The following NEDD4 variants were observed in gnomAD, a reference collection of about 807,000 sequenced individuals.
NEDD4 encodes the protein NEDD4 E3 ubiquitin protein ligase.
A neutral mutation model predicts 144.9 loss-of-function variants in NEDD4; 99 were observed. The ratio of observed to expected loss-of-function variants is 0.68; its 90% CI spans 0.58 to 0.81. The LOEUF (loss-of-function observed/expected upper bound fraction) is 0.81. Ranked by LOEUF, NEDD4 falls within the 30% of genes least tolerant of loss-of-function variation. The pLI is 0.00. For synonymous variants in NEDD4, 318 were observed against 350.6 expected, an observed-to-expected ratio of 0.91 and a Z score of 1.04; for missense variants, 985 against 1,065.9, an observed-to-expected ratio of 0.92 and a Z score of 1.06.
chr15:55,946,706 C>T (rs1403522669), intron 4 of NEDD4, among the ~76,000 whole-genome samples: 5 of 152,048 alleles, frequency 3.3e-5, no homozygotes, highest in Admixed American at 3.3e-4. Flanking sequence ...GAATATACAT[C>T]CTTCTCAGCA....
rs150543024 is a variant in NEDD4 at position 55,872,493 on chromosome 15, G to T, written c.343-17C>A. ...ATTTTCTGTCTAGAATAAAATAGTGGGTTTTCAAAATATATCTATAACACC... is the reference window on the plus strand; with the variant it reads ...ATTTTCTGTCTAGAATAAAATAGTGTGTTTTCAAAATATATCTATAACACC... On this transcript the variant is annotated splice_polypyrimidine_tract_variant and intron_variant, in intron 6 of 28. Coordinates refer to ENST00000435532, the MANE Select transcript of NEDD4 (RefSeq NM_006154.4). 4 of 1,296,722 alleles carry T rather than the reference G, an allele frequency of 3.1e-6. No homozygotes were observed. The East Asian group carries it at 1.1e-4, about 36-fold the overall frequency. 80.3% of individuals were successfully genotyped at this position (1,296,722 alleles called of 1,614,324 possible).
intron 2 of NEDD4, among the ~76,000 whole-genome samples, chr15:55,961,267 A>G (rs1240610004): frequency 6.6e-6 from 1 of 152,176 alleles, no homozygotes; most frequent in Non-Finnish European, 1.5e-5. Flanking sequence ...GGGCAGGGCT[A>G]GAGTTTACAG....
At chr15:55,897,863 C>T (rs1389097137) in intron 5 of NEDD4, among the ~76,000 whole-genome samples, 2 of 152,222 alleles carry the variant, frequency 1.3e-5, no homozygotes, top group African/African-American at 4.8e-5. Context: ...CCCCAGGCTT[C>T]CACATCCGGT....
chr15:55,982,894 G>A (rs2037826792), intron 1 of NEDD4, among the ~76,000 whole-genome samples: 1 of 152,166 alleles, frequency 6.6e-6, no homozygotes, highest in African/African-American at 2.4e-5. Context: ...GGCCAAGGTA[G>A]GTGGATCACC....
chr15:55,933,267 C>A (rs1200684242), intron 4 of NEDD4, among the ~76,000 whole-genome samples: 1 of 152,024 alleles, frequency 6.6e-6, no homozygotes, highest in East Asian at 1.9e-4. Context: ...ATAGCAAAGA[C>A]TTGGAACCAA....
chr15:55,857,104 C>T (rs2034225774), intron 11 of NEDD4, among the ~76,000 whole-genome samples: 1 of 152,046 alleles, frequency 6.6e-6, no homozygotes, highest in Admixed American at 6.5e-5. Flanking sequence ...GTGAAAAAAG[C>T]AAGTTACCAA....
At chr15:55,907,490 C>T (rs2036138730) in intron 5 of NEDD4, among the ~76,000 whole-genome samples, 1 of 152,144 alleles carries the variant, frequency 6.6e-6, no homozygotes, top group Non-Finnish European at 1.5e-5. Context: ...ATGCCATTGT[C>T]TCATTTCAAT....
intron 2 of NEDD4, among the ~76,000 whole-genome samples, chr15:55,955,167 G>T (rs775523665): frequency 6.6e-6 from 1 of 151,946 alleles, no homozygotes; most frequent in East Asian, 1.9e-4. Context: ...GACTACAGGC[G>T]CACACCACCA....
intron 1 of NEDD4, among the ~76,000 whole-genome samples, chr15:55,984,013 A>C (rs538110518): frequency 6.6e-6 from 1 of 152,278 alleles, no homozygotes; most frequent in East Asian, 1.9e-4. Flanking sequence ...TTGGCTATAA[A>C]ATCGGTAAAG....
At chr15:55,871,446 A>G (rs773290603) in intron 7 of NEDD4, among the ~76,000 whole-genome samples, 3 of 152,244 alleles carry the variant, frequency 2.0e-5, no homozygotes, top group Non-Finnish European at 4.4e-5. Context: ...GACGCTAGAA[A>G]GCATGTGACA....
chr15:55,969,984 C>T (rs1435669684), intron 1 of NEDD4, among the ~76,000 whole-genome samples: 1 of 152,090 alleles, frequency 6.6e-6, no homozygotes, highest in Non-Finnish European at 1.5e-5. Flanking sequence ...CTGGCCTTAG[C>T]TCCGAGAGGG....
rs751626019 is a variant in NEDD4, at chr15:55,852,411, G to C, written c.1146+13C>G. The C allele has an allele frequency of 6.2e-7, 1 of 1,601,986 alleles. No individual in the cohort carries two copies. The highest frequency in any genetic ancestry group is 8.5e-7 in the Non-Finnish European group (1 of 1,173,370). ...AATCCTGTAAGAAAGCAAGTTGATA[G>C]ATTACAGGATACCTGTACAGTGGGC... On this transcript the variant is annotated intron_variant, in intron 13 of 28. Transcript: ENST00000435532.
intron 12 of NEDD4, 66 bp downstream of exon 12, chr15:55,856,065 C>G: frequency 7.1e-7 from 1 of 1,414,678 alleles, no homozygotes; most frequent in Non-Finnish European, 1.0e-6. Context: ...ACTCAATCTT[C>G]CAAAAAATAA....
At chr15:55,940,314 T>G (rs2036974029) in intron 4 of NEDD4, among the ~76,000 whole-genome samples, 1 of 152,164 alleles carries the variant, frequency 6.6e-6, no homozygotes, top group Non-Finnish European at 1.5e-5. Context: ...ACTTTGATTG[T>G]GGTGATGGTT....
intron 5 of NEDD4, among the ~76,000 whole-genome samples, chr15:55,904,504 T>C (rs1298122332): frequency 6.6e-6 from 1 of 152,064 alleles, no homozygotes; most frequent in Non-Finnish European, 1.5e-5. Flanking sequence ...GGTTTTACCA[T>C]GCTGGCCAAG....
chr15:55,889,762 G>A (rs1349581952), intron 5 of NEDD4, among the ~76,000 whole-genome samples: 2 of 152,048 alleles, frequency 1.3e-5, no homozygotes, highest in Non-Finnish European at 2.9e-5. Context: ...GTGCAGTGGT[G>A]TGATCTCAGC....
intron 4 of NEDD4, among the ~76,000 whole-genome samples, chr15:55,944,055 G>C (rs1385955900): frequency 4.6e-5 from 7 of 152,312 alleles, no homozygotes; most frequent in African/African-American, 1.4e-4. Flanking sequence ...CCTGTCTGCA[G>C]CTCCCGGTAT....
intron 4 of NEDD4, among the ~76,000 whole-genome samples, chr15:55,940,296 T>G (rs1032201770): frequency 1.4e-4 from 21 of 152,144 alleles, no homozygotes; most frequent in Middle Eastern, 3.2e-3. Context: ...GTGATGGATA[T>G]GTTTATGACT....
At position 55,834,137 on chromosome 15, in the gene NEDD4, C is replaced by T. The variant is rs777789935; in HGVS notation, c.2331G>A (p.Met777Ile). The T allele has an allele frequency of 1.2e-6, 2 of 1,613,124 alleles. No individual in the cohort carries two copies. The highest frequency in any genetic ancestry group is 8.5e-7 in the Non-Finnish European group (1 of 1,179,634). ...TCACATCAACATCTCCCAGTCCACACATAAGAAGCTACATAAGAAATGTCA... is the reference window on the plus strand; with the variant it reads ...TCACATCAACATCTCCCAGTCCACATATAAGAAGCTACATAAGAAATGTCA... ...IFDENELELL[M>I]CGLGDVDVND... Residue 777 changes from methionine (M) to isoleucine (I), a missense_variant, in exon 26 of 29, where the codon ATG becomes ATA. Transcript: ENST00000435532.
Sources: gnomAD v4.1 joint callset for allele counts (sites outside exome capture counted in the v4.1 genomes callset) on GRCh38, gnomAD v4.1.1 for gene constraint, MANE v1.5 for transcripts, NCBI Gene and HGNC (gene_info 2026-07-23, HGNC 2026-07-21) for gene names.